The following PRDM12 variants were observed in gnomAD, a reference collection of about 807,000 sequenced individuals.
PRDM12 encodes the protein PR domain zinc finger protein 12.
A neutral mutation model predicts 29.6 loss-of-function variants in PRDM12; 17 were observed. The observed-to-expected ratio is 0.57, with a 90% CI of 0.39 to 0.86. The LOEUF is 0.86. Ranked by LOEUF, PRDM12 falls within the 40% of genes least tolerant of loss-of-function variation. PRDM12 has a pLI of 0.00. For synonymous variants in PRDM12, 231 were observed against 225.8 expected, an observed-to-expected ratio of 1.02 and a Z score of -0.21; for missense variants, 422 against 510.8, an observed-to-expected ratio of 0.83 and a Z score of 1.68.
Position 130,664,951 on chromosome 9 carries a change from A to T in PRDM12, c.223+75A>T, listed in dbSNP as rs765491519. Reference sequence around the variant, plus strand: ...CATTCCCGTCCTGGCGATGCGCGAGACGCGGCTGGGATACCCGGCCTCGCT... The same window carrying T: ...CATTCCCGTCCTGGCGATGCGCGAGTCGCGGCTGGGATACCCGGCCTCGCT... On this transcript the variant is annotated intron_variant, in intron 1 of 4. Coordinates refer to ENST00000253008, the MANE Select transcript of PRDM12 (RefSeq NM_021619.3). This position sits in a 1 kb window ranked among gnomAD's most constrained non-coding sequence, Gnocchi z 6.4. 1.0e-4 allele frequency: 140 copies of T among 1,397,594 alleles called. No individual in the cohort carries two copies. Among genetic ancestry groups the T allele is most frequent in the Non-Finnish European group, 1.3e-4 (137 of 1,046,882 alleles). The allele number at this position is 1,397,594 out of a possible 1,614,324, so 86.6% of individuals were successfully genotyped here. A position where few individuals can be genotyped will look rare whatever the true frequency, so the allele number is the denominator to read the frequency against.
intron 1 of PRDM12, among the ~76,000 whole-genome samples, chr9:130,665,371 G>C (rs910843649): frequency 3.3e-5 from 5 of 152,290 alleles, no homozygotes; most frequent in African/African-American, 1.2e-4. Context: ...GAGAGAAAGA[G>C]AGAGCGAGAA....
At chr9:130,667,301 G>C (rs921165327) in intron 2 of PRDM12, among the ~76,000 whole-genome samples, 2 of 152,202 alleles carry the variant, frequency 1.3e-5, no homozygotes, top group African/African-American at 4.8e-5. Context: ...GTCAGCTTCT[G>C]TGTCCCCAGC....
At chr9:130,678,332 G>A (rs957074843) in intron 3 of PRDM12, among the ~76,000 whole-genome samples, 197 bp from the exon 4 acceptor site, 2 of 151,888 alleles carry the variant, frequency 1.3e-5, no homozygotes, top group African/African-American at 4.8e-5. Context: ...GGAGAGGGGG[G>A]CAGAGGGGCT....
chr9:130,670,983 G>A (rs759226560), intron 3 of PRDM12, among the ~76,000 whole-genome samples: 8 of 152,220 alleles, frequency 5.3e-5, no homozygotes, highest in Non-Finnish European at 1.0e-4. Flanking sequence ...AATATCTTCA[G>A]GGAAGCATTT....
chr9:130,674,660 G>A (rs1448050354), intron 3 of PRDM12, among the ~76,000 whole-genome samples: 1 of 152,100 alleles, frequency 6.6e-6, no homozygotes, highest in Non-Finnish European at 1.5e-5. Context: ...CGCTTCTGGG[G>A]AAAGACAAGC....
chr9:130,680,329 CCTGTTTCAAAAAAATAAATAAAAT>C (rs1389337973), intron 4 of PRDM12, among the ~76,000 whole-genome samples: 9 of 151,510 alleles, frequency 5.9e-5, no homozygotes, highest in African/African-American at 2.2e-4. Context: ...AGAGCCAGAC[CCTGTTTCAAAAAAATAAATAAAAT>C]CTTTTTGGCC....
chr9:130,677,956 T>A (rs1353236992), intron 3 of PRDM12, among the ~76,000 whole-genome samples: 1 of 152,170 alleles, frequency 6.6e-6, no homozygotes, highest in Admixed American at 6.5e-5. Context: ...TGTTCATCCA[T>A]CCGAATGCTT....
intron 4 of PRDM12, among the ~76,000 whole-genome samples, chr9:130,679,225 G>C (rs937144130): frequency 6.6e-6 from 1 of 152,038 alleles, no homozygotes; most frequent in African/African-American, 2.4e-5. Context: ...CCATTTGCTC[G>C]ACAACTATTT....
chr9:130,666,833 C>T (rs777041854), intron 2 of PRDM12, 35 bp downstream of exon 2: 2 of 1,549,044 alleles, frequency 1.3e-6, no homozygotes, highest in East Asian at 2.4e-5. Flanking sequence ...GCGCAAGGGC[C>T]GGCGAGGGGC....
chr9:130,682,448 A>G lies in PRDM12; in HGVS notation c.*779A>G, dbSNP rs996847530. ...TTTGGGCCTCAGTTTCCCCATCTGTAAAATGAAGGAGTTGGACCAATGCCC... is the reference window on the plus strand; with the variant it reads ...TTTGGGCCTCAGTTTCCCCATCTGTGAAATGAAGGAGTTGGACCAATGCCC... On this transcript the variant is annotated 3_prime_UTR_variant, in exon 5 of 5. Transcript: ENST00000253008. This position sits in a 1 kb window ranked among gnomAD's most constrained non-coding sequence, Gnocchi z 4.2. 1 of 152,436 alleles carries G rather than the reference A, an allele frequency of 6.6e-6. No homozygotes were observed. The highest frequency in any genetic ancestry group is 2.4e-5 in the African/African-American group (1 of 41,436). The allele number at this position is 152,436 out of a possible 1,614,324, so 9.4% of individuals were successfully genotyped here. A position where few individuals can be genotyped will look rare whatever the true frequency, so the allele number is the denominator to read the frequency against.
intron 4 of PRDM12, among the ~76,000 whole-genome samples, chr9:130,679,285 T>A (rs1025124060): frequency 3.6e-4 from 54 of 152,100 alleles, no homozygotes; most frequent in Non-Finnish European, 2.9e-5. Flanking sequence ...CCACTGGGTA[T>A]TCATAAAACC....
intron 3 of PRDM12, among the ~76,000 whole-genome samples, chr9:130,671,280 G>A (rs995560135): frequency 6.6e-6 from 1 of 151,956 alleles, no homozygotes; most frequent in Non-Finnish European, 1.5e-5. Context: ...AGGAGGCGGA[G>A]GTTGTAGTGA....
At chr9:130,677,515 G>A (rs1349754781) in intron 3 of PRDM12, among the ~76,000 whole-genome samples, 1 of 152,370 alleles carries the variant, frequency 6.6e-6, no homozygotes, top group East Asian at 1.9e-4. Context: ...GGGGTGTCTG[G>A]GTTTCTCTGG....
rs572692290 is a variant in PRDM12 at position 130,681,160 on chromosome 9, G to T, written c.683-88G>T. Reference sequence around the variant, plus strand: ...CGGCCCCGGGCTGGGGGCGCTGAGGGCCCGGGCTGCGGGGCGCCGGTTCTA... The same window carrying T: ...CGGCCCCGGGCTGGGGGCGCTGAGGTCCCGGGCTGCGGGGCGCCGGTTCTA... On this transcript the variant is annotated intron_variant, in intron 4 of 4. Coordinates refer to ENST00000253008, the MANE Select transcript of PRDM12 (RefSeq NM_021619.3). This position sits in a 1 kb window ranked among gnomAD's most constrained non-coding sequence, Gnocchi z 8.1. 57 of 1,282,250 alleles carry T rather than the reference G, an allele frequency of 4.4e-5. No individual in the cohort carries two copies. In the African/African-American group the frequency reaches 7.3e-4, roughly 17 times the overall value. The allele number at this position is 1,282,250 out of a possible 1,614,324, so 79.4% of individuals were successfully genotyped here.
At chr9:130,670,565 G>A (rs920799422) in intron 3 of PRDM12, among the ~76,000 whole-genome samples, 1 of 152,172 alleles carries the variant, frequency 6.6e-6, no homozygotes, top group Non-Finnish European at 1.5e-5. Context: ...CAGGACAGAG[G>A]TGGCTCCTTG....
intron 3 of PRDM12, among the ~76,000 whole-genome samples, chr9:130,672,937 G>C (rs1028599100): frequency 1.3e-5 from 2 of 152,114 alleles, no homozygotes; most frequent in Non-Finnish European, 2.9e-5. Context: ...AGATCTTCTG[G>C]GCTGATAGGG....
chr9:130,672,732 A>G (rs935724797), intron 3 of PRDM12, among the ~76,000 whole-genome samples: 1 of 152,184 alleles, frequency 6.6e-6, no homozygotes, highest in African/African-American at 2.4e-5. Context: ...TCTGTGGTAC[A>G]ATGGAAATTG....
At chr9:130,665,813 A>G (rs1163796476) in intron 1 of PRDM12, among the ~76,000 whole-genome samples, 1 of 152,156 alleles carries the variant, frequency 6.6e-6, no homozygotes, top group African/African-American at 2.4e-5. Context: ...CAGGTAGCTT[A>G]GAGGGGAACC....
chr9:130,674,547 G>T (rs567787638), intron 3 of PRDM12, among the ~76,000 whole-genome samples: 1 of 146,676 alleles, frequency 6.8e-6, no homozygotes, highest in Non-Finnish European at 1.5e-5. Context: ...GAAGTAATAT[G>T]TGCTCATTAT....
Sources: allele counts gnomAD v4.1 joint callset (sites outside exome capture counted in the v4.1 genomes callset), GRCh38; gene constraint gnomAD v4.1.1; non-coding constraint Gnocchi (gnomAD v3.1); transcripts MANE v1.5; gene names NCBI Gene and HGNC (gene_info 2026-07-23, HGNC 2026-07-21).